RGPD3: variants seen among roughly 807,000 people sequenced by gnomAD.
RGPD3 encodes the protein ranBP2-like and GRIP domain-containing protein 3.
RGPD3 carries 62 observed loss-of-function variants against 154.5 expected under a neutral mutation model. That is an observed-to-expected ratio of 0.40 (90% confidence interval 0.33 to 0.50). The LOEUF (loss-of-function observed/expected upper bound fraction) is 0.50. RGPD3 is among the 20% of genes least tolerant of loss of function. The pLI is 0.59. For missense variants in RGPD3, 919 were observed against 1,716.8 expected (o/e 0.54, Z 8.21); for synonymous variants, 308 against 607.0 (o/e 0.51, Z 7.24).
intron 20 of RGPD3, among the ~76,000 whole-genome samples, chr2:106,421,118 T>A (rs1320376823): frequency 6.6e-6 from 1 of 152,188 alleles, no homozygotes; most frequent in Non-Finnish European, 1.5e-5. Context: ...TACAGATTCT[T>A]GTTCCACTTC....
rs563620589 is a variant in RGPD3 at position 106,410,699 on chromosome 2, G to C, written c.5266+2385C>G. On this transcript the variant is annotated intron_variant, in intron 22 of 22. Coordinates refer to ENST00000409886, the MANE Select transcript of RGPD3 (RefSeq NM_001144013.2). ...TGAGATTTCTGTCTTGCTTTTTATA[G>C]GGGCAGTTTTACTCTTAGGTGACTA... is the stretch of plus-strand genomic sequence containing the variant. Among the ~76,000 whole-genome samples the C allele has an allele frequency of 1.6e-4, 25 of 151,988 alleles. No homozygotes were observed. The East Asian group carries it at 4.1e-3, about 25-fold the overall frequency.
chr2:106,464,521 A>T (rs533735745), intron 1 of RGPD3, among the ~76,000 whole-genome samples: 187 of 151,470 alleles, frequency 1.2e-3, no homozygotes, highest in Middle Eastern at 6.8e-3. Flanking sequence ...CAGAGGTAGG[A>T]GGATCATTTA....
chr2:106,420,957 T>C (rs1184297241), intron 20 of RGPD3, among the ~76,000 whole-genome samples: 1 of 152,092 alleles, frequency 6.6e-6, no homozygotes, highest in African/African-American at 2.4e-5. Context: ...TTAAATTACA[T>C]ACACAGGTTA....
chr2:106,465,241 A>T (rs1678532742), intron 1 of RGPD3, among the ~76,000 whole-genome samples: 1 of 151,636 alleles, frequency 6.6e-6, no homozygotes, highest in Non-Finnish European at 1.5e-5. Flanking sequence ...TATCCAAAGC[A>T]CCCTGTTTTG....
chr2:106,468,469 G>A, upstream of RGPD3: 4 of 1,246,632 alleles, frequency 3.2e-6, no homozygotes, highest in South Asian at 1.5e-5. Flanking sequence ...TTCGGCGCTC[G>A]AGCTGCACTC....
chr2:106,414,119 G>A (rs1302773491), intron 21 of RGPD3, among the ~76,000 whole-genome samples: 1 of 151,864 alleles, frequency 6.6e-6, no homozygotes, highest in Non-Finnish European at 1.5e-5. Context: ...CACTATCAGA[G>A]AAATGAGGCA....
rs541092207 is a variant in RGPD3, at chr2:106,417,573, T to C, written c.4925-1584A>G. 1.2e-4 allele frequency among the ~76,000 whole-genome samples: 18 copies of C among 149,924 alleles called. No homozygotes were observed. In the East Asian group the frequency reaches 3.5e-3, roughly 29 times the overall value. On this transcript the variant is annotated intron_variant, in intron 20 of 22. Coordinates refer to ENST00000409886, the MANE Select transcript of RGPD3 (RefSeq NM_001144013.2). ...CCGTATCAGTTGTCTCCATGCCTTCTCCCTCTTCCCGGGTTACAGTGTGCA... is the reference window on the plus strand; with the variant it reads ...CCGTATCAGTTGTCTCCATGCCTTCCCCCTCTTCCCGGGTTACAGTGTGCA...
chr2:106,429,355 T>C (rs1160776247), intron 18 of RGPD3, among the ~76,000 whole-genome samples: 2 of 151,614 alleles, frequency 1.3e-5, no homozygotes, highest in East Asian at 3.9e-4. Context: ...ATAACTCTAT[T>C]CAATAACATT....
In RGPD3 at chr2:106,413,233, G is replaced by A; in HGVS notation, c.5117C>T (p.Ser1706Phe). ...CTTCAAGTGTTCCACGTTAGCTGCA[G>A]ACACCTCTTGCTCTTGATTCCTTTC... The part of the protein sequence containing the change: ...RLERNQEQEV[S>F]AANVEHLKNV... Residue 1706 changes from serine to phenylalanine, a missense_variant, in exon 22 of 23, where the codon TCT becomes TTT. Ser to Phe is a radical substitution (Grantham distance 155, BLOSUM62 -2). Coordinates refer to ENST00000409886, the MANE Select transcript of RGPD3 (RefSeq NM_001144013.2). The A allele has an allele frequency of 6.2e-7, 1 of 1,611,984 alleles. No homozygotes were observed. The highest frequency in any genetic ancestry group is 8.5e-7 in the Non-Finnish European group (1 of 1,179,858).
intron 18 of RGPD3, among the ~76,000 whole-genome samples, chr2:106,427,011 A>G (rs1677219659): frequency 6.6e-6 from 1 of 151,780 alleles, no homozygotes; most frequent in Admixed American, 6.6e-5. Context: ...CAAGAATCTT[A>G]AAGTCTTGCA....
In RGPD3 at chr2:106,437,547, C is replaced by T. The variant is rs533165140; in HGVS notation, c.1277-693G>A. 1.7e-4 allele frequency among the ~76,000 whole-genome samples: 26 copies of T among 152,226 alleles called. No homozygotes were observed. The South Asian group carries it at 2.5e-3, about 15-fold the overall frequency. ...AAAGAAAAGAAAAGAAAAGGTTATGCGCTTCTGGAAGCATGAAGAGGTATA... is the reference window on the plus strand; with the variant it reads ...AAAGAAAAGAAAAGAAAAGGTTATGTGCTTCTGGAAGCATGAAGAGGTATA... On this transcript the variant is annotated intron_variant, in intron 9 of 22. Transcript: ENST00000409886.
At chr2:106,432,778 TAA>T (rs71272785) in intron 17 of RGPD3, among the ~76,000 whole-genome samples, 155 bp downstream of exon 17, 9,361 of 73,822 alleles carry the variant, frequency 0.13, 296 homozygotes, top group East Asian at 0.37. Context: ...GACCCTGCCT[TAA>T]AAAAAAAAAA....
intron 1 of RGPD3, among the ~76,000 whole-genome samples, chr2:106,463,287 C>A (rs1366377843): frequency 6.6e-6 from 1 of 151,968 alleles, no homozygotes; most frequent in African/African-American, 2.4e-5. Context: ...CCAGCCTGAC[C>A]AGTATGGTGA....
chr2:106,425,427 GGCACTGTTCTAA>G (rs1406693593), intron 19 of RGPD3, among the ~76,000 whole-genome samples, 161 bp from the exon 20 acceptor site: 1 of 149,352 alleles, frequency 6.7e-6, no homozygotes, highest in Non-Finnish European at 1.5e-5. Flanking sequence ...GTGCCAGCTG[GGCACTGTTCTAA>G]GCACTTTACA....
intron 22 of RGPD3, among the ~76,000 whole-genome samples, chr2:106,412,443 G>GCCTCC (rs1453198253): frequency 6.6e-5 from 10 of 151,536 alleles, no homozygotes; most frequent in Admixed American, 6.6e-4. Flanking sequence ...CTGAGTAGCT[G>GCCTCC]GGACTACAGG....
intron 20 of RGPD3, among the ~76,000 whole-genome samples, chr2:106,421,125 C>T (rs1234057151): frequency 1.3e-5 from 2 of 152,180 alleles, no homozygotes; most frequent in African/African-American, 4.8e-5. Context: ...TCTTGTTCCA[C>T]TTCTGGTATT....
Position 106,424,284 on chromosome 2 carries a change from G to T in RGPD3, c.3683C>A (p.Ala1228Glu). Reference protein sequence around the residue: ...EEENKGSGTGAAGASDTTIKP... With the variant: ...EEENKGSGTGEAGASDTTIKP... ...TATTGTTGTGTCTGAGGCACCGGCC[G>T]CACCTGTACCTGAACCCTTATTTTC... The change falls in exon 20 of 23, where the codon GCG becomes GAG. Residue 1228 changes from alanine (A) to glutamate (E), a missense_variant. Coordinates refer to ENST00000409886, the MANE Select transcript of RGPD3 (RefSeq NM_001144013.2). 2 of 1,611,946 alleles carry T rather than the reference G, an allele frequency of 1.2e-6. No individual in the cohort carries two copies. Among genetic ancestry groups the T allele is most frequent in the Non-Finnish European group, 1.7e-6 (2 of 1,179,848 alleles).
At chr2:106,457,275 G>A (rs569948198) in intron 3 of RGPD3, among the ~76,000 whole-genome samples, 152 bp from the exon 4 acceptor site, 2 of 152,332 alleles carry the variant, frequency 1.3e-5, no homozygotes, top group East Asian at 3.9e-4. Context: ...TACTTCAAAG[G>A]TGTTCAAATA....
At position 106,464,141 on chromosome 2, in the gene RGPD3, C is replaced by T. The variant is rs570977455; in HGVS notation, c.72+4076G>A. On this transcript the variant is annotated intron_variant, in intron 1 of 22. Coordinates refer to ENST00000409886, the MANE Select transcript of RGPD3 (RefSeq NM_001144013.2). ...CAGGCGGATCATGAGGTCAGGAGAT[C>T]GAGACTATCCTGGCTAACACGGTGA... 7.8e-4 allele frequency among the ~76,000 whole-genome samples: 119 copies of T among 151,988 alleles called. 1 individual carries two copies. The South Asian group carries it at 0.018, about 23-fold the overall frequency.
Sources: gnomAD v4.1 joint callset for allele counts (sites outside exome capture counted in the v4.1 genomes callset) on GRCh38, gnomAD v4.1.1 for gene constraint, MANE v1.5 for transcripts, NCBI Gene and HGNC (gene_info 2026-07-23, HGNC 2026-07-21) for gene names.